The following RSF1 variants were observed in gnomAD, a reference collection of about 807,000 sequenced individuals.
RSF1 encodes remodeling and spacing factor 1.
In RSF1, 13 loss-of-function variants were observed where a neutral mutation model predicts 145.2. The ratio of observed to expected loss-of-function variants is 0.09; its 90% CI spans 0.06 to 0.14. RSF1 has a LOEUF of 0.14. Among genes scored for constraint, RSF1 ranks in the 10% least tolerant of loss-of-function variants. The pLI is 1.00. For missense variants in RSF1, 1,517 were observed against 1,718.2 expected (o/e 0.88, Z 2.07); for synonymous variants, 577 against 592.6 (o/e 0.97, Z 0.38).
intron 13 of RSF1, among the ~76,000 whole-genome samples, chr11:77,675,514 C>T (rs983258982): frequency 2.6e-5 from 4 of 152,140 alleles, no homozygotes; most frequent in South Asian, 2.1e-4. Flanking sequence ...ATGTTAAATT[C>T]GACATATTCA....
chr11:77,852,575 G>A, the RSF1 span, among the ~76,000 whole-genome samples: 43 of 152,070 alleles, frequency 2.8e-4, no homozygotes, highest in East Asian at 3.9e-3. Context: ...TGAGATTTGC[G>A]CAGGGACACA....
rs1948505094 is a variant in RSF1, at chr11:77,790,415, T to C, written c.188-25726A>G. Among the ~76,000 whole-genome samples the C allele has an allele frequency of 2.0e-5, 3 of 152,148 alleles. No individual in the cohort carries two copies. The South Asian group carries it at 6.2e-4, about 32-fold the overall frequency. On this transcript the variant is annotated intron_variant, in intron 1 of 15. Transcript: ENST00000308488. ...TCCCACAACACATGGTAATTCAAGATGAGATCTGGGTGGGGACACAGCCAA... is the reference window on the plus strand; with the variant it reads ...TCCCACAACACATGGTAATTCAAGACGAGATCTGGGTGGGGACACAGCCAA...
chr11:77,831,554 G>T, the RSF1 span, among the ~76,000 whole-genome samples: 47 of 152,114 alleles, frequency 3.1e-4, no homozygotes, highest in African/African-American at 1.1e-3. Context: ...TATCATTCTG[G>T]TGTTCTGAGA....
chr11:77,768,925 T>C (rs1181373974), intron 1 of RSF1, among the ~76,000 whole-genome samples: 1 of 152,222 alleles, frequency 6.6e-6, no homozygotes, highest in Non-Finnish European at 1.5e-5. Context: ...GCCACATGTG[T>C]CTACTGAGAA....
At chr11:77,787,440 T>C (rs650171) in intron 1 of RSF1, among the ~76,000 whole-genome samples, 33,918 of 152,040 alleles carry the variant, frequency 0.22, 3,864 homozygotes, top group Middle Eastern at 0.25. Context: ...AATTATAGTA[T>C]CTAAAAATAA....
At chr11:77,711,072 A>G (rs1410913532) in intron 5 of RSF1, among the ~76,000 whole-genome samples, 2 of 151,510 alleles carry the variant, frequency 1.3e-5, no homozygotes, top group Non-Finnish European at 2.9e-5. Context: ...AATGTCTCTA[A>G]GCCTTTTCAG....
At chr11:77,704,676 CTAT>C (rs768777367) in intron 5 of RSF1, among the ~76,000 whole-genome samples, 1 of 151,870 alleles carries the variant, frequency 6.6e-6, no homozygotes, top group Admixed American at 6.6e-5. Flanking sequence ...ATAACCTCAA[CTAT>C]TATTCTTCGC....
intron 1 of RSF1, among the ~76,000 whole-genome samples, chr11:77,801,206 T>C (rs1256629211): frequency 6.6e-6 from 1 of 151,972 alleles, no homozygotes; most frequent in Non-Finnish European, 1.5e-5. Flanking sequence ...GGTGGCTGGA[T>C]CACCTGAGGT....
At position 77,676,976 on chromosome 11, in the gene RSF1, A is replaced by T; in HGVS notation, c.3157T>A (p.Ser1053Thr). Residue 1053 changes from serine to threonine, a missense_variant, in exon 13 of 16, where the codon TCC becomes ACC. By Grantham distance (58) the Ser-to-Thr change is moderately conservative. Coordinates refer to ENST00000308488, the MANE Select transcript of RSF1 (RefSeq NM_016578.4). The part of the protein sequence containing the change: ...GGGVGRGKDI[S>T]TITGHRGKDI... ...TTCCCACGATGACCTGTGATGGTGGAGATATCTTTTCCTCGGCCAACTCCT... is the reference window on the plus strand; with the variant it reads ...TTCCCACGATGACCTGTGATGGTGGTGATATCTTTTCCTCGGCCAACTCCT... The T allele has an allele frequency of 6.2e-7, 1 of 1,603,742 alleles. No individual in the cohort carries two copies. Among genetic ancestry groups the T allele is most frequent in the South Asian group, 1.1e-5 (1 of 90,820 alleles).
rs897444611 is a variant in RSF1 at position 77,660,503 on chromosome 11, T to C, written c.*6414A>G. 3.3e-5 allele frequency: 5 copies of C among 150,628 alleles called. No homozygotes were observed. Among genetic ancestry groups the C allele is most frequent in the African/African-American group, 1.2e-4 (5 of 40,860 alleles). 9.3% of individuals were successfully genotyped at this position (150,628 alleles called of 1,614,324 possible). ...AGCATGGTCCTGATTACCTCAAGAG[T>C]TAGTTTTATGCCAATCTTGGAGCTT... On this transcript the variant is annotated 3_prime_UTR_variant, in exon 16 of 16. Transcript: ENST00000308488.
intron 1 of RSF1, among the ~76,000 whole-genome samples, chr11:77,795,079 G>A (rs118166085): frequency 1.3e-5 from 2 of 151,922 alleles, no homozygotes; most frequent in East Asian, 1.9e-4. Flanking sequence ...GAATCAAGAA[G>A]GCAATCCCAT....
intron 9 of RSF1, among the ~76,000 whole-genome samples, chr11:77,690,697 C>T (rs1313766528): frequency 6.6e-6 from 1 of 151,990 alleles, no homozygotes; most frequent in East Asian, 1.9e-4. Context: ...GGATTACAGG[C>T]GGGAGCCACC....
chr11:77,762,027 C>CTTTCTT (rs1948178735), intron 2 of RSF1: 4 of 58,756 alleles, frequency 6.8e-5, no homozygotes, highest in African/African-American at 1.6e-4. Context: ...CTTTTCTTTT[C>CTTTCTT]TTTTTTTTTT....
intron 5 of RSF1, among the ~76,000 whole-genome samples, chr11:77,709,722 T>G (rs918163813): frequency 2.6e-5 from 4 of 152,148 alleles, no homozygotes; most frequent in Non-Finnish European, 5.9e-5. Context: ...TTTTTATTTT[T>G]AGAGACAATG....
intron 1 of RSF1, among the ~76,000 whole-genome samples, chr11:77,771,177 T>G (rs959592641): frequency 6.6e-6 from 1 of 152,114 alleles, no homozygotes; most frequent in Non-Finnish European, 1.5e-5. Context: ...AAGAACGGAT[T>G]TTTTCCCCCA....
chr11:77,810,246 A>G (rs1948717260), intron 1 of RSF1, among the ~76,000 whole-genome samples: 1 of 152,216 alleles, frequency 6.6e-6, no homozygotes, highest in African/African-American at 2.4e-5. Flanking sequence ...AGGCCAGTAT[A>G]GCAGCAATGT....
At chr11:77,831,119 T>C in the RSF1 span, among the ~76,000 whole-genome samples, 3 of 151,822 alleles carry the variant, frequency 2.0e-5, no homozygotes, top group African/African-American at 4.8e-5. Context: ...CATTCCAGTC[T>C]GGACAACAAA....
intron 4 of RSF1, among the ~76,000 whole-genome samples, chr11:77,736,358 C>G (rs1361491989): frequency 1.3e-5 from 2 of 152,188 alleles, no homozygotes; most frequent in Non-Finnish European, 2.9e-5. Flanking sequence ...ATTCAATCAT[C>G]TTCTTTGTGG....
upstream of RSF1, among the ~76,000 whole-genome samples, chr11:77,825,752 C>T (rs1377068161): frequency 6.6e-6 from 1 of 150,872 alleles, no homozygotes; most frequent in Non-Finnish European, 1.5e-5. Flanking sequence ...AGTGCAGTGG[C>T]ACGATCTAGG....
Sources: gnomAD v4.1 joint callset for allele counts (sites outside exome capture counted in the v4.1 genomes callset) on GRCh38, gnomAD v4.1.1 for gene constraint, MANE v1.5 for transcripts, NCBI Gene and HGNC (gene_info 2026-07-23, HGNC 2026-07-21) for gene names.